The following MFAP1 variants were observed in gnomAD, a reference collection of about 807,000 sequenced individuals.
The protein encoded by MFAP1 is microfibril associated protein 1, also known as microfibrillar-associated protein 1.
Under a neutral mutation model 62.2 loss-of-function variants are expected in MFAP1, and 18 were observed. The ratio of observed to expected loss-of-function variants is 0.29; its 90% confidence interval spans 0.20 to 0.43. The LOEUF is 0.43. Ranked by LOEUF, MFAP1 falls within the 20% of genes least tolerant of loss-of-function variation. The pLI, the probability that MFAP1 is intolerant of heterozygous loss-of-function variation, is 1.00. For missense variants in MFAP1, 355 were observed against 559.7 expected, an observed-to-expected ratio of 0.63 and a Z score of 3.69; for synonymous variants, 175 against 180.4, an observed-to-expected ratio of 0.97 and a Z score of 0.24.
chr15:43,809,783 T>C lies in MFAP1; in HGVS notation c.1019A>G (p.Lys340Arg), dbSNP rs972049189. 1 of 1,614,076 alleles carries C rather than the reference T, an allele frequency of 6.2e-7. No individual in the cohort carries two copies. The highest frequency in any genetic ancestry group is 1.3e-5 in the African/African-American group (1 of 74,940). ...GAAGAAGGCACCCCGGTGATAATAC[T>C]TCTGTAAGAACTTGTATTTGCCCTT... is the stretch of plus-strand genomic sequence containing the variant. ...AVKGKYKFLQ[K>R]YYHRGAFFMD... The change falls in exon 7 of 9, where the codon AAG becomes AGG. Residue 340 changes from lysine (K) to arginine (R), a missense_variant. Coordinates refer to ENST00000267812, the MANE Select transcript of MFAP1 (RefSeq NM_005926.3).
At chr15:43,812,951 T>A in intron 6 of MFAP1, 36 bp downstream of exon 6, 2 of 1,608,462 alleles carry the variant, frequency 1.2e-6, no homozygotes, top group Non-Finnish European at 8.5e-7. Flanking sequence ...CCTGTTCCAT[T>A]AGCAGCATTA....
rs138230004 is a variant in MFAP1 at position 43,813,258 on chromosome 15, G to A, written c.717C>T (p.Tyr239=). 7 of 1,613,838 alleles carry A rather than the reference G, an allele frequency of 4.3e-6. No homozygotes were observed. The African/African-American group carries it at 9.3e-5, about 22-fold the overall frequency. Residue 239 remains tyrosine, a synonymous_variant, in exon 5 of 9, where the codon TAC becomes TAT. Coordinates refer to ENST00000267812, the MANE Select transcript of MFAP1 (RefSeq NM_005926.3). The part of the protein sequence containing the change: ...AKRMAEERRK[Y]TLKIVEEETK... ...AACCACTCCCCAGTACCTTGAGTGT[G>A]TACTTGCGCCTTTCCTCAGCCATGC...
chr15:43,819,432 T>C (rs1041693373), intron 1 of MFAP1, among the ~76,000 whole-genome samples: 8 of 151,950 alleles, frequency 5.3e-5, no homozygotes, highest in Non-Finnish European at 8.8e-5. Flanking sequence ...GTGAGCCATC[T>C]CTCCTAGCCT....
chr15:43,806,773 A>G (rs1229736209), intron 7 of MFAP1, among the ~76,000 whole-genome samples: 1 of 152,162 alleles, frequency 6.6e-6, no homozygotes, highest in Admixed American at 6.5e-5. Flanking sequence ...ACAGGAGGCC[A>G]AGGCAGGAGA....
chr15:43,817,471 G>A lies in MFAP1; in HGVS notation c.80-23C>T, dbSNP rs1596058165. ...CACCTGGGCGAGAAAGGTAACTTAT[G>A]TTTCAGTAGCCTCTTTCTCAATGTG... is the stretch of plus-strand genomic sequence containing the variant. On this transcript the variant is annotated intron_variant, in intron 1 of 8. Transcript: ENST00000267812. The A allele has an allele frequency of 1.9e-6, 3 of 1,612,386 alleles. No homozygotes were observed. The African/African-American group carries it at 4.0e-5, about 22-fold the overall frequency.
At chr15:43,817,148 G>A (rs997349172) in intron 2 of MFAP1, 81 bp downstream of exon 2, 6 of 1,308,494 alleles carry the variant, frequency 4.6e-6, no homozygotes, top group Non-Finnish European at 6.5e-6. Flanking sequence ...CTACTTGGTA[G>A]TACTATTCAA....
chr15:43,808,196 G>A (rs891874874), intron 7 of MFAP1, among the ~76,000 whole-genome samples: 1 of 152,182 alleles, frequency 6.6e-6, no homozygotes, highest in African/African-American at 2.4e-5. Context: ...TCTTGTTTAA[G>A]AAAGACTTTT....
At chr15:43,817,481 C>G (rs748486992) in intron 1 of MFAP1, 33 bp from the exon 2 acceptor site, 2 of 1,609,210 alleles carry the variant, frequency 1.2e-6, no homozygotes, top group Non-Finnish European at 1.7e-6. Flanking sequence ...GTTTCAGTAG[C>G]CTCTTTCTCA....
At chr15:43,818,018 CTTTT>C (rs780258021) in intron 1 of MFAP1, among the ~76,000 whole-genome samples, 4 of 131,736 alleles carry the variant, frequency 3.0e-5, no homozygotes, top group Non-Finnish European at 4.8e-5. Flanking sequence ...AAATACAATT[CTTTT>C]TTTTTTTTTT....
rs2228368 is a variant in MFAP1, at chr15:43,809,812, A to C, written c.990T>G (p.Ala330=). The change falls in exon 7 of 9, where the codon GCT becomes GCG. Residue 330 remains alanine (A), a synonymous_variant. Coordinates refer to ENST00000267812, the MANE Select transcript of MFAP1 (RefSeq NM_005926.3). The part of the protein sequence containing the change: ...RANGKVITNK[A]VKGKYKFLQK... ...GTAAGAACTTGTATTTGCCCTTAAC[A>C]GCTTTGTTGGTAATGACTTTGCCGT... 179,072 of 1,613,944 alleles carry C rather than the reference A, an allele frequency of 0.11. 12,144 individuals are homozygous for C. The highest frequency in any genetic ancestry group is 0.26 in the African/African-American group (19,590 of 74,942).
chr15:43,805,527 T>C, intron 7 of MFAP1, 62 bp from the exon 8 acceptor site: 1 of 1,346,138 alleles, frequency 7.4e-7, no homozygotes, highest in Non-Finnish European at 1.0e-6. Flanking sequence ...AACCACAAAT[T>C]TATTAAACTC....
At chr15:43,824,445 C>T in intron 1 of MFAP1, 46 bp downstream of exon 1, 2 of 1,601,718 alleles carry the variant, frequency 1.2e-6, no homozygotes, top group East Asian at 2.2e-5. Flanking sequence ...TTGCTGGGGC[C>T]GGAAGGGGTT....
intron 7 of MFAP1, among the ~76,000 whole-genome samples, chr15:43,806,106 T>C (rs960434028): frequency 6.6e-6 from 1 of 152,012 alleles, no homozygotes; most frequent in Non-Finnish European, 1.5e-5. Context: ...TACAGGTGCA[T>C]GCAACTATGC....
rs2087349199 is a variant in MFAP1 at position 43,804,506 on chromosome 15, T to C, written c.*588A>G. On this transcript the variant is annotated 3_prime_UTR_variant, in exon 9 of 9. Transcript: ENST00000267812. ...GAAACACCTTCTGCCTGACAATTGT[T>C]ATCTTTTACTTTAATAGGCAATTAA... The C allele has an allele frequency of 6.6e-6, 1 of 152,234 alleles. No homozygotes were observed. The highest frequency in any genetic ancestry group is 6.5e-5 in the Admixed American group (1 of 15,278). 9.4% of individuals were successfully genotyped at this position (152,234 alleles called of 1,614,324 possible). A position where few individuals can be genotyped will look rare whatever the true frequency, so the allele number is the denominator to read the frequency against.
chr15:43,809,504 A>T (rs2087385456), intron 7 of MFAP1, among the ~76,000 whole-genome samples: 2 of 152,012 alleles, frequency 1.3e-5, no homozygotes, highest in Admixed American at 1.3e-4. Context: ...AAAAAAAAAA[A>T]AAAAGTCTAT....
In MFAP1 at chr15:43,809,835, C is replaced by A; in HGVS notation, c.967G>T (p.Gly323Cys). 6.2e-7 allele frequency: 1 copy of A among 1,614,080 alleles called. No individual in the cohort carries two copies. The highest frequency in any genetic ancestry group is 8.5e-7 in the Non-Finnish European group (1 of 1,180,020). The part of the protein sequence containing the change: ...EERRAELRAN[G>C]KVITNKAVKG... ...ACAGCTTTGTTGGTAATGACTTTGC[C>A]GTTTGCCCGAAGTTCAGCTCTCCTC... Residue 323 changes from glycine to cysteine, a missense_variant, in exon 7 of 9, where the codon GGC (glycine) becomes TGC (cysteine). By Grantham distance (159) the Gly-to-Cys change is radical (BLOSUM62 -3). Coordinates refer to ENST00000267812, the MANE Select transcript of MFAP1 (RefSeq NM_005926.3).
At chr15:43,824,442 G>A in intron 1 of MFAP1, 49 bp downstream of exon 1, 1 of 1,598,022 alleles carries the variant, frequency 6.3e-7, no homozygotes, top group Non-Finnish European at 8.6e-7. Context: ...AGGTTGCTGG[G>A]GCCGGAAGGG....
chr15:43,824,343 A>C (rs1017705678), intron 1 of MFAP1, 148 bp downstream of exon 1: 2 of 702,424 alleles, frequency 2.8e-6, no homozygotes, highest in Non-Finnish European at 4.8e-6. Context: ...GATCGGATGC[A>C]AGTGGGTGGG....
At chr15:43,812,347 G>A (rs944488857) in intron 6 of MFAP1, among the ~76,000 whole-genome samples, 4 of 152,126 alleles carry the variant, frequency 2.6e-5, no homozygotes, top group African/African-American at 9.7e-5. Context: ...TTAAAGCTAG[G>A]TTGGCCTTGT....
Sources: gnomAD v4.1 joint callset for allele counts (sites outside exome capture counted in the v4.1 genomes callset) on GRCh38, gnomAD v4.1.1 for gene constraint, MANE v1.5 for transcripts, NCBI Gene and HGNC (gene_info 2026-07-23, HGNC 2026-07-21) for gene names.